Variants in PTPRT observed in about 807,000 individuals in gnomAD.
The protein encoded by PTPRT is receptor-type tyrosine-protein phosphatase T.
In PTPRT, 56 loss-of-function variants were observed where a neutral mutation model predicts 176.8. The observed-to-expected ratio is 0.32, with a 90% CI of 0.26 to 0.40. The LOEUF (loss-of-function observed/expected upper bound fraction) is 0.40, where lower values mean the gene tolerates loss of function less well. PTPRT is among the 10% of genes least tolerant of loss of function. PTPRT has a pLI of 1.00. For missense variants in PTPRT, 1,540 were observed against 1,908.2 expected (o/e 0.81, Z 3.60); for synonymous variants, 783 against 739.0 (o/e 1.06, Z -0.96).
chr20:42,756,861 G>T (rs1487476606), intron 5 of PTPRT, among the ~76,000 whole-genome samples: 1 of 152,018 alleles, frequency 6.6e-6, no homozygotes, highest in Non-Finnish European at 1.5e-5. Flanking sequence ...GACCAGCCTA[G>T]GTAGCAAGCA....
chr20:42,484,407 A>G (rs190048885), intron 7 of PTPRT, among the ~76,000 whole-genome samples: 1 of 152,356 alleles, frequency 6.6e-6, no homozygotes, highest in Admixed American at 6.5e-5. Context: ...TCTGTTGAGC[A>G]TTACACAATT....
downstream of PTPRT, among the ~76,000 whole-genome samples, chr20:42,067,948 G>C (rs563157701): frequency 6.6e-6 from 1 of 152,262 alleles, no homozygotes; most frequent in Non-Finnish European, 1.5e-5. Flanking sequence ...TGTAAGTCAG[G>C]GAAGGAACGA....
At chr20:42,661,906 C>A (rs6072818) in intron 7 of PTPRT, among the ~76,000 whole-genome samples, 25,206 of 152,176 alleles carry the variant, frequency 0.17, 2,396 homozygotes, top group East Asian at 0.23. Flanking sequence ...TGCAGGGAGA[C>A]CTCTGCGTTC....
At chr20:42,422,465 G>A (rs529178089) in intron 9 of PTPRT, among the ~76,000 whole-genome samples, 50 of 152,238 alleles carry the variant, frequency 3.3e-4, no homozygotes, top group African/African-American at 1.1e-3. Flanking sequence ...ATCACTGATC[G>A]TTAGAGAAAT....
Position 42,754,563 on chromosome 20 carries a change from G to A in PTPRT, c.859+1899C>T, listed in dbSNP as rs192919614. 9.5e-3 allele frequency among the ~76,000 whole-genome samples: 1,453 copies of A among 152,332 alleles called. 11 individuals carry two copies. Among genetic ancestry groups the A allele is most frequent in the Non-Finnish European group, 0.016 (1,066 of 68,036 alleles). On this transcript the variant is annotated intron_variant, in intron 6 of 30. Coordinates refer to ENST00000373187, the MANE Select transcript of PTPRT (RefSeq NM_007050.6). ...CTCCCAAACTGTTGGGATGACAGGC[G>A]TGAGCCACCATACCGGGCCACACAA...
intron 1 of PTPRT, among the ~76,000 whole-genome samples, chr20:42,958,774 G>A (rs1246894913): frequency 6.6e-6 from 1 of 152,114 alleles, no homozygotes; most frequent in East Asian, 1.9e-4. Context: ...AGCACACCAA[G>A]ATGTATTGTC....
chr20:42,410,759 A>G (rs1363075269), intron 9 of PTPRT, among the ~76,000 whole-genome samples: 2 of 152,196 alleles, frequency 1.3e-5, no homozygotes, highest in South Asian at 4.1e-4. Context: ...CTAAAAATTA[A>G]TAACAGAAAG....
intron 9 of PTPRT, among the ~76,000 whole-genome samples, chr20:42,407,687 TACTC>T (rs2058974961): frequency 6.6e-6 from 1 of 152,184 alleles, no homozygotes; most frequent in African/African-American, 2.4e-5. Context: ...AGAAATGAGA[TACTC>T]AGGAAAAATA....
chr20:42,583,835 T>C (rs1040895397), intron 7 of PTPRT, among the ~76,000 whole-genome samples: 1 of 152,200 alleles, frequency 6.6e-6, no homozygotes, highest in African/African-American at 2.4e-5. Context: ...TAAATCACAT[T>C]GAAATAAACT....
intron 9 of PTPRT, among the ~76,000 whole-genome samples, chr20:42,395,988 A>G (rs1179403099): frequency 1.3e-5 from 2 of 152,108 alleles, no homozygotes; most frequent in Non-Finnish European, 2.9e-5. Context: ...GCTCGTGCAT[A>G]GGCTGACTCC....
At chr20:42,527,770 G>T (rs756786056) in intron 7 of PTPRT, among the ~76,000 whole-genome samples, 2 of 152,194 alleles carry the variant, frequency 1.3e-5, no homozygotes, top group Non-Finnish European at 2.9e-5. Context: ...AATTTGGAAT[G>T]AATTTTCTTA....
At chr20:42,046,976 C>T in the PTPRT span, among the ~76,000 whole-genome samples, 1 of 152,180 alleles carries the variant, frequency 6.6e-6, no homozygotes, top group African/African-American at 2.4e-5. Context: ...ATGCCTGATA[C>T]TTTCACTGTG....
At chr20:42,396,638 T>A (rs555889679) in intron 9 of PTPRT, among the ~76,000 whole-genome samples, 2 of 152,214 alleles carry the variant, frequency 1.3e-5, no homozygotes, top group African/African-American at 4.8e-5. Context: ...CCCAGCTCAC[T>A]GCAACCTCTG....
At chr20:42,816,530 C>T (rs1303139157) in intron 2 of PTPRT, among the ~76,000 whole-genome samples, 1 of 152,172 alleles carries the variant, frequency 6.6e-6, no homozygotes, top group Admixed American at 6.5e-5. Flanking sequence ...GTAATCCCCA[C>T]ATGTCGAGGA....
chr20:43,099,942 C>T (rs987247284), intron 1 of PTPRT, among the ~76,000 whole-genome samples: 2 of 152,164 alleles, frequency 1.3e-5, no homozygotes, highest in African/African-American at 2.4e-5. Context: ...CTCCCACAGA[C>T]CTCACATGGT....
intron 9 of PTPRT, among the ~76,000 whole-genome samples, chr20:42,370,051 C>T (rs1021063694): frequency 3.6e-5 from 5 of 137,244 alleles, no homozygotes; most frequent in African/African-American, 1.4e-4. Flanking sequence ...TCCATGCTTA[C>T]CCATCCCAAA....
chr20:42,225,985 A>G (rs2056001028), intron 15 of PTPRT, among the ~76,000 whole-genome samples: 1 of 152,218 alleles, frequency 6.6e-6, no homozygotes, highest in East Asian at 1.9e-4. Context: ...AACATCTGGC[A>G]TCTACTTTAT....
the PTPRT span, among the ~76,000 whole-genome samples, chr20:42,033,620 G>T: frequency 6.6e-6 from 1 of 152,308 alleles, no homozygotes; most frequent in East Asian, 1.9e-4. Context: ...TCTAAAGTCA[G>T]AGAGGCCTGG....
At chr20:42,858,278 C>T (rs2078600162) in intron 2 of PTPRT, among the ~76,000 whole-genome samples, 1 of 152,158 alleles carries the variant, frequency 6.6e-6, no homozygotes, top group South Asian at 2.1e-4. Flanking sequence ...GCAAATATAA[C>T]AAAGACAGCT....
Sources: gnomAD v4.1 joint callset for allele counts (sites outside exome capture counted in the v4.1 genomes callset) on GRCh38, gnomAD v4.1.1 for gene constraint, MANE v1.5 for transcripts, NCBI Gene and HGNC (gene_info 2026-07-23, HGNC 2026-07-21) for gene names.